The following CACNA1E variants were observed in gnomAD, a reference collection of about 807,000 sequenced individuals.
The protein encoded by CACNA1E is voltage-dependent R-type calcium channel subunit alpha-1E.
A neutral mutation model predicts 259.2 loss-of-function variants in CACNA1E; 40 were observed. The observed-to-expected ratio is 0.15, with a 90% confidence interval of 0.12 to 0.20. CACNA1E has a LOEUF of 0.20. CACNA1E is among the 10% of genes least tolerant of loss of function. CACNA1E has a pLI of 1.00. For missense variants in CACNA1E, 1,874 were observed against 3,040.1 expected, an observed-to-expected ratio of 0.62 and a Z score of 9.02; for synonymous variants, 1,104 against 1,138.5, an observed-to-expected ratio of 0.97 and a Z score of 0.61.
chr1:181,552,881 A>C (rs931036765), intron 3 of CACNA1E, among the ~76,000 whole-genome samples: 1 of 152,044 alleles, frequency 6.6e-6, no homozygotes, highest in Non-Finnish European at 1.5e-5. Context: ...ACCCAGTACC[A>C]TGGTGTTTCG....
At chr1:181,692,810 TA>T (rs1448680858) in intron 7 of CACNA1E, among the ~76,000 whole-genome samples, 7 of 151,978 alleles carry the variant, frequency 4.6e-5, no homozygotes, top group Admixed American at 6.6e-5. Flanking sequence ...CTAATTAAAC[TA>T]AAGAGCTCTG....
chr1:181,779,659 G>A (rs1277322067), intron 38 of CACNA1E: 1 of 273,796 alleles, frequency 3.7e-6, no homozygotes, highest in Non-Finnish European at 7.7e-6. Context: ...GCTTTCCTTT[G>A]AGTTTAAAGA....
At chr1:181,693,392 A>G (rs974824633) in intron 7 of CACNA1E, among the ~76,000 whole-genome samples, 2 of 152,196 alleles carry the variant, frequency 1.3e-5, no homozygotes, top group African/African-American at 4.8e-5. Context: ...CAGCAAAGAC[A>G]TGGAGTCAAT....
chr1:181,684,405 T>C (rs1650300767), intron 7 of CACNA1E, among the ~76,000 whole-genome samples: 1 of 152,166 alleles, frequency 6.6e-6, no homozygotes, highest in African/African-American at 2.4e-5. Context: ...AGATTGCAAA[T>C]ATTTTCTCCC....
intron 7 of CACNA1E, among the ~76,000 whole-genome samples, chr1:181,709,519 T>C (rs561794712): frequency 2.6e-5 from 4 of 152,316 alleles, no homozygotes; most frequent in African/African-American, 7.2e-5. Flanking sequence ...TCCCTTTCCC[T>C]GCACTGTAGC....
Position 181,766,470 on chromosome 1 carries a change from C to T in CACNA1E, c.4816-76C>T, listed in dbSNP as rs1000002018. 9.0e-6 allele frequency: 9 copies of T among 1,002,742 alleles called. No individual in the cohort carries two copies. The African/African-American group carries it at 1.1e-4, about 12-fold the overall frequency. The allele number at this position is 1,002,742 out of a possible 1,614,324, so 62.1% of individuals were successfully genotyped here. A position where few individuals can be genotyped will look rare whatever the true frequency, so the allele number is the denominator to read the frequency against. ...ATTAGCCTCCAGGCAAGATCCTGTA[C>T]TGCCGGTGACTGCAGGTTGTTGAGC... On this transcript the variant is annotated intron_variant, in intron 34 of 47. Transcript: ENST00000367573.
chr1:181,687,922 C>A (rs1391892207), intron 7 of CACNA1E, among the ~76,000 whole-genome samples: 1 of 152,128 alleles, frequency 6.6e-6, no homozygotes, highest in Middle Eastern at 3.4e-3. Context: ...AGTGTTTTTT[C>A]TCTTATTATT....
chr1:181,593,238 T>G (rs955090322), intron 6 of CACNA1E, among the ~76,000 whole-genome samples: 1 of 152,226 alleles, frequency 6.6e-6, no homozygotes, highest in Non-Finnish European at 1.5e-5. Flanking sequence ...TTTTGCTAAG[T>G]TAGCAGTTTT....
chr1:181,688,753 C>G (rs1453392000), intron 7 of CACNA1E, among the ~76,000 whole-genome samples: 1 of 152,098 alleles, frequency 6.6e-6, no homozygotes, highest in Non-Finnish European at 1.5e-5. Context: ...AGAATTTATC[C>G]TGTTTAACTG....
chr1:181,772,044 C>T (rs1393866451), intron 36 of CACNA1E, 22 bp from the exon 37 acceptor site: 1 of 1,610,504 alleles, frequency 6.2e-7, no homozygotes, highest in African/African-American at 1.3e-5. Flanking sequence ...CTCCTGCTAA[C>T]CAAAATGTCT....
chr1:181,512,010 G>A (rs1403960154), intron 3 of CACNA1E, among the ~76,000 whole-genome samples: 4 of 152,218 alleles, frequency 2.6e-5, no homozygotes, highest in African/African-American at 9.6e-5. Flanking sequence ...TTTATCATTT[G>A]CAGATTTGTT....
intron 1 of CACNA1E, among the ~76,000 whole-genome samples, chr1:181,412,803 A>G (rs1013956890): frequency 6.6e-6 from 1 of 152,186 alleles, no homozygotes; most frequent in Non-Finnish European, 1.5e-5. Context: ...AACGCGGCAT[A>G]TCATTATTTC....
intron 2 of CACNA1E, among the ~76,000 whole-genome samples, chr1:181,461,907 T>C (rs193045805): frequency 6.6e-6 from 1 of 152,278 alleles, no homozygotes; most frequent in Admixed American, 6.5e-5. Flanking sequence ...AATATCCTTC[T>C]AGGCTTTTTT....
Position 181,640,046 on chromosome 1 carries a change from C to T in CACNA1E, c.952-11292C>T, listed in dbSNP as rs544396768. ...GGAGGAATTCGGCATCAGTGTCCCT[C>T]ACAGATGGTTGCCTGACACAGTGAT... On this transcript the variant is annotated intron_variant, in intron 6 of 47. Transcript: ENST00000367573. Among the ~76,000 whole-genome samples, 4 of 152,266 alleles carry T rather than the reference C, an allele frequency of 2.6e-5. No homozygotes were observed. The South Asian group carries it at 8.3e-4, about 32-fold the overall frequency.
intron 22 of CACNA1E, 133 bp downstream of exon 22, chr1:181,736,567 G>C (rs1193676208): frequency 6.1e-6 from 5 of 817,824 alleles, no homozygotes; most frequent in African/African-American, 1.7e-5. Flanking sequence ...AGCATGGCCA[G>C]ACATTGAGCA....
intron 2 of CACNA1E, among the ~76,000 whole-genome samples, chr1:181,450,224 A>G (rs1289864518): frequency 6.6e-6 from 1 of 152,218 alleles, no homozygotes; most frequent in Admixed American, 6.5e-5. Flanking sequence ...CCATGGTCCA[A>G]CCTTCTCCCA....
At chr1:181,338,934 A>G (rs12119976) in intron 1 of CACNA1E, among the ~76,000 whole-genome samples, 78,868 of 151,636 alleles carry the variant, frequency 0.52, 20,837 homozygotes, top group Non-Finnish European at 0.56. Flanking sequence ...TCTCTCCATT[A>G]TGTATTCTTG....
In CACNA1E at chr1:181,776,024, C is replaced by G. The variant is rs1365808779; in HGVS notation, c.5140-77C>G. On this transcript the variant is annotated intron_variant, in intron 37 of 47. Transcript: ENST00000367573. The surrounding 1 kb of genome is among the most constrained non-coding windows in gnomAD (Gnocchi z 4.4). ...GTTTGCTAAAACACCCTCCTCCATG[C>G]CCTGAAGCCTGTTCTTCTGCTTCCT... The G allele has an allele frequency of 5.0e-6, 7 of 1,395,230 alleles. No individual in the cohort carries two copies. The African/African-American group carries it at 1.0e-4, about 20-fold the overall frequency. 86.4% of individuals were successfully genotyped at this position (1,395,230 alleles called of 1,614,324 possible). A position where few individuals can be genotyped will look rare whatever the true frequency, so the allele number is the denominator to read the frequency against.
At chr1:181,478,650 A>T (rs1218582114), upstream of CACNA1E, among the ~76,000 whole-genome samples, 1 of 152,072 alleles carries the variant, frequency 6.6e-6, no homozygotes, top group African/African-American at 2.4e-5. Flanking sequence ...AGGGTGGGGG[A>T]AGATGAAGGA....
Sources: allele counts gnomAD v4.1 joint callset (sites outside exome capture counted in the v4.1 genomes callset), GRCh38; gene constraint gnomAD v4.1.1; non-coding constraint Gnocchi (gnomAD v3.1); transcripts MANE v1.5; gene names NCBI Gene and HGNC (gene_info 2026-07-23, HGNC 2026-07-21).